Variants in OSBPL3 observed in about 807,000 individuals in gnomAD.
OSBPL3 encodes oxysterol binding protein like 3, also known as oxysterol-binding protein-related protein 3.
A neutral mutation model predicts 120.1 loss-of-function variants in OSBPL3; 65 were observed. The ratio of observed to expected loss-of-function variants is 0.54; its 90% CI spans 0.44 to 0.67. OSBPL3 has a LOEUF of 0.67. OSBPL3 is among the 30% of genes least tolerant of loss of function. OSBPL3 has a pLI of 0.00. For synonymous variants in OSBPL3, 416 were observed against 402.6 expected, an observed-to-expected ratio of 1.03 and a Z score of -0.40; for missense variants, 1,004 against 1,082.1, an observed-to-expected ratio of 0.93 and a Z score of 1.01.
chr7:24,857,610 T>C (rs1425447857), intron 10 of OSBPL3, among the ~76,000 whole-genome samples: 1 of 152,196 alleles, frequency 6.6e-6, no homozygotes. Context: ...CCACAGCTAG[T>C]CAGTAACAGA....
intron 1 of OSBPL3, among the ~76,000 whole-genome samples, chr7:24,929,179 T>C (rs1197748365): frequency 6.6e-6 from 1 of 152,238 alleles, no homozygotes; most frequent in African/African-American, 2.4e-5. Context: ...TTAGTCATGC[T>C]GATGGGTGTG....
At chr7:24,901,463 C>T (rs1807025444) in intron 1 of OSBPL3, among the ~76,000 whole-genome samples, 1 of 152,220 alleles carries the variant, frequency 6.6e-6, no homozygotes, top group Admixed American at 6.5e-5. Context: ...GCAATCTGGT[C>T]ATAAAAGTCA....
intron 1 of OSBPL3, among the ~76,000 whole-genome samples, chr7:24,931,301 C>G (rs1392743635): frequency 1.3e-5 from 2 of 152,138 alleles, no homozygotes; most frequent in Non-Finnish European, 2.9e-5. Flanking sequence ...CTGTGGTAGG[C>G]AGAATAATGG....
intron 5 of OSBPL3, 90 bp downstream of exon 5, chr7:24,870,642 C>A: frequency 3.8e-6 from 3 of 799,284 alleles, no homozygotes; most frequent in Non-Finnish European, 4.4e-6. Context: ...TACATGTTGG[C>A]CGAATACCCA....
At position 24,879,836 on chromosome 7, in the gene OSBPL3, C is replaced by A. The variant is rs1803398028; in HGVS notation, c.97-7767G>T. 6.6e-6 allele frequency among the ~76,000 whole-genome samples: 1 copy of A among 152,238 alleles called. No homozygotes were observed. The highest frequency in any genetic ancestry group is 1.5e-5 in the Non-Finnish European group (1 of 68,044). On this transcript the variant is annotated intron_variant, in intron 2 of 22. Coordinates refer to ENST00000313367, the MANE Select transcript of OSBPL3 (RefSeq NM_015550.4). The surrounding 1 kb of genome is among the most constrained non-coding windows in gnomAD (Gnocchi z 5.6). ...ATTTCCACGCTGTTGATCACTCACT[C>A]AGCATTTATGGCTACAATTACTTTG...
chr7:24,876,869 TAATA>T (rs995129812), intron 2 of OSBPL3, among the ~76,000 whole-genome samples: 8 of 152,222 alleles, frequency 5.3e-5, no homozygotes, highest in African/African-American at 1.2e-4. Context: ...TAGTAGATAT[TAATA>T]AATATGTTGA....
At position 24,849,199 on chromosome 7, in the gene OSBPL3, G is replaced by A. The variant is rs756399366; in HGVS notation, c.1159-23C>T. 1 of 1,565,696 alleles carries A rather than the reference G, an allele frequency of 6.4e-7. No individual in the cohort carries two copies. Among genetic ancestry groups the A allele is most frequent in the Non-Finnish European group, 8.8e-7 (1 of 1,137,160 alleles). ...GGCCTGGAACATGTTAAAATAGTGG[G>A]GCTCTGTTAATAAATGGATGTTTCA... is the stretch of plus-strand genomic sequence containing the variant. On this transcript the variant is annotated intron_variant, in intron 11 of 22. Transcript: ENST00000313367. This position sits in a 1 kb window ranked among gnomAD's most constrained non-coding sequence, Gnocchi z 5.4.
At chr7:24,870,688 T>C in intron 5 of OSBPL3, 44 bp downstream of exon 5, 1 of 1,196,580 alleles carries the variant, frequency 8.4e-7, no homozygotes, top group Non-Finnish European at 1.3e-6. Context: ...CTGATGATAC[T>C]TCCCCAACAT....
chr7:24,928,093 T>A (rs1349270483), intron 1 of OSBPL3, among the ~76,000 whole-genome samples: 1 of 151,870 alleles, frequency 6.6e-6, no homozygotes, highest in African/African-American at 2.4e-5. Context: ...ATGTGTCTGC[T>A]CCCCCTTCGC....
Position 24,855,419 on chromosome 7 carries a change from G to T in OSBPL3, c.1028-2785C>A, listed in dbSNP as rs1799719184. On this transcript the variant is annotated intron_variant, in intron 10 of 22. Transcript: ENST00000313367. This position sits in a 1 kb window ranked among gnomAD's most constrained non-coding sequence, Gnocchi z 4.3. ...AAACTGGCAGAATATACAATATTTG[G>T]TTCAAAATGTACAGCTGACAAGATT... is the stretch of plus-strand genomic sequence containing the variant. Among the ~76,000 whole-genome samples the T allele has an allele frequency of 6.6e-6, 1 of 152,112 alleles. No homozygotes were observed. Among genetic ancestry groups the T allele is most frequent in the Non-Finnish European group, 1.5e-5 (1 of 68,014 alleles).
intron 1 of OSBPL3, among the ~76,000 whole-genome samples, chr7:24,914,680 G>A (rs1809301479): frequency 1.3e-5 from 2 of 152,184 alleles, no homozygotes; most frequent in Non-Finnish European, 2.9e-5. Context: ...ACTTAAGTGT[G>A]TGAAGTCACA....
intron 6 of OSBPL3, among the ~76,000 whole-genome samples, chr7:24,865,703 T>C (rs1801216343): frequency 6.6e-6 from 1 of 152,222 alleles, no homozygotes; most frequent in Non-Finnish European, 1.5e-5. Context: ...CAAATATTAA[T>C]AACATCAAAA....
intron 1 of OSBPL3, among the ~76,000 whole-genome samples, chr7:24,911,615 C>T (rs1054172512): frequency 7.2e-5 from 11 of 152,166 alleles, no homozygotes; most frequent in African/African-American, 2.7e-4. Context: ...CCCTGGGACT[C>T]AGAATCTAAG....
At position 24,873,741 on chromosome 7, in the gene OSBPL3, CA is replaced by C. The variant is rs35438810; in HGVS notation, c.97-1673del. Among the ~76,000 whole-genome samples, 90,999 of 149,120 alleles carry C rather than the reference CA, an allele frequency of 0.61. 28,307 individuals are homozygous for C. The highest frequency in any genetic ancestry group is 0.92 in the East Asian group (4,742 of 5,130). On this transcript the variant is annotated intron_variant, in intron 2 of 22. Transcript: ENST00000313367. The surrounding 1 kb of genome is among the most constrained non-coding windows in gnomAD (Gnocchi z 4.1). ...CAGATTTCCTATTACTTAAAAACAC[CA>C]AAAAAAAAAACTTACTTGAATTTAT...
chr7:24,900,112 G>T lies in OSBPL3; in HGVS notation c.-149-7491C>A, dbSNP rs146502019. On this transcript the variant is annotated intron_variant, in intron 1 of 22. Coordinates refer to ENST00000313367, the MANE Select transcript of OSBPL3 (RefSeq NM_015550.4). This position sits in a 1 kb window ranked among gnomAD's most constrained non-coding sequence, Gnocchi z 4.5. ...GACTTGCAGCATCATTATCACCTGG[G>T]ACCTTGTTAGGAATGCAAAATCTCT... Among the ~76,000 whole-genome samples the T allele has an allele frequency of 7.9e-3, 1,202 of 152,222 alleles. 21 individuals are homozygous for T. Among genetic ancestry groups the T allele is most frequent in the African/African-American group, 0.027 (1,120 of 41,520 alleles).
At chr7:24,981,318 C>G (rs1297989789), upstream of OSBPL3, 2 of 152,132 alleles carry the variant, frequency 1.3e-5, no homozygotes, top group Non-Finnish European at 2.9e-5. This position sits in a 1 kb window ranked among gnomAD's most constrained non-coding sequence, Gnocchi z 7.3. Context: ...GCTGCCACAC[C>G]CAGTCTCGCA....
Position 24,806,199 on chromosome 7 carries a change from C to T in OSBPL3, c.2444+577G>A, listed in dbSNP as rs923044615. Among the ~76,000 whole-genome samples the T allele has an allele frequency of 3.3e-4, 50 of 152,224 alleles. No homozygotes were observed. The highest frequency in any genetic ancestry group is 1.2e-3 in the African/African-American group (50 of 41,450). On this transcript the variant is annotated intron_variant, in intron 21 of 22. Transcript: ENST00000313367. The surrounding 1 kb of genome is among the most constrained non-coding windows in gnomAD (Gnocchi z 5.2). ...CTTGAACTCCTGACTTCAAGTGATC[C>T]GCCCGCTTCGGCCTCCCAAAGTGTT...
At chr7:24,920,614 T>C (rs1322912480) in intron 1 of OSBPL3, among the ~76,000 whole-genome samples, 3 of 152,142 alleles carry the variant, frequency 2.0e-5, no homozygotes, top group Non-Finnish European at 4.4e-5. Flanking sequence ...GAAGAGTAAA[T>C]TCTGTAGTAT....
intron 1 of OSBPL3, among the ~76,000 whole-genome samples, chr7:24,963,313 C>T (rs1048513470): frequency 6.6e-6 from 1 of 152,236 alleles, no homozygotes; most frequent in Non-Finnish European, 1.5e-5. Context: ...AGCCACTCTT[C>T]TGCCAACTTC....
Sources: allele counts gnomAD v4.1 joint callset (sites outside exome capture counted in the v4.1 genomes callset), GRCh38; gene constraint gnomAD v4.1.1; non-coding constraint Gnocchi (gnomAD v3.1); transcripts MANE v1.5; gene names NCBI Gene and HGNC (gene_info 2026-07-23, HGNC 2026-07-21).